ABCC4: variants seen among roughly 807,000 people sequenced by gnomAD.
ABCC4 encodes ATP-binding cassette sub-family C member 4.
Under a neutral mutation model 168.5 loss-of-function variants are expected in ABCC4, and 102 were observed. The ratio of observed to expected loss-of-function variants is 0.61; its 90% confidence interval spans 0.52 to 0.71. The LOEUF is 0.71. Among genes scored for constraint, ABCC4 ranks in the 30% least tolerant of loss-of-function variants. The pLI is 0.00. For synonymous variants in ABCC4, 617 were observed against 590.7 expected (o/e 1.04, Z -0.65); for missense variants, 1,402 against 1,605.8 (o/e 0.87, Z 2.17).
At chr13:95,225,151 TCTCACACACACACA>T (rs1242028773) in intron 4 of ABCC4, among the ~76,000 whole-genome samples, 8 of 30,598 alleles carry the variant, frequency 2.6e-4, no homozygotes, top group South Asian at 1.3e-3. Flanking sequence ...TCTCTCTCTC[TCTCACACACACACA>T]CACACACACA....
At chr13:95,165,025 C>A (rs192145439) in intron 15 of ABCC4, among the ~76,000 whole-genome samples, 3 of 152,228 alleles carry the variant, frequency 2.0e-5, no homozygotes, top group Non-Finnish European at 4.4e-5. Flanking sequence ...ACCCAGCCAT[C>A]CCACTTTCAA....
intron 8 of ABCC4, among the ~76,000 whole-genome samples, chr13:95,205,935 G>A (rs1467352019): frequency 6.6e-6 from 1 of 152,080 alleles, no homozygotes; most frequent in Non-Finnish European, 1.5e-5. Flanking sequence ...TCAACCAATT[G>A]GAAATAAAGA....
rs1358554881 is a variant in ABCC4, at chr13:95,054,876, C to T, written c.3367-1692G>A. On this transcript the variant is annotated intron_variant, in intron 26 of 30. Transcript: ENST00000645237. ...AAATGATATCCAGGGAGGCTCTCAT[C>T]CCTTTCCCTATCGTCTCCGTTTTAA... 1.4e-4 allele frequency among the ~76,000 whole-genome samples: 22 copies of T among 152,316 alleles called. No individual in the cohort carries two copies. The East Asian group carries it at 4.2e-3, about 29-fold the overall frequency.
Position 95,210,315 on chromosome 13 carries a change from C to T in ABCC4, c.621+377G>A, listed in dbSNP as rs183460107. On this transcript the variant is annotated intron_variant, in intron 5 of 30. Coordinates refer to ENST00000645237, the MANE Select transcript of ABCC4 (RefSeq NM_005845.5). ...GCAACAAGGCGTGATCCCTTCTCTA[C>T]AAATAATAAAAAAAGAAATTAGCCA... Among the ~76,000 whole-genome samples, 22 of 152,292 alleles carry T rather than the reference C, an allele frequency of 1.4e-4. No individual in the cohort carries two copies. The East Asian group carries it at 4.2e-3, about 29-fold the overall frequency.
At chr13:95,298,785 T>G (rs73551420) in intron 1 of ABCC4, among the ~76,000 whole-genome samples, 2,530 of 152,200 alleles carry the variant, frequency 0.017, 68 homozygotes, top group African/African-American at 0.057. Context: ...TGACACTTGA[T>G]TGTTGTGTGA....
chr13:95,029,167 CATATATATAT>C (rs67576340), intron 30 of ABCC4, among the ~76,000 whole-genome samples: 9,249 of 82,408 alleles, frequency 0.11, 945 homozygotes, highest in Middle Eastern at 0.16. Flanking sequence ...AAAAAAAATA[CATATATATAT>C]ATATATATAT....
chr13:95,176,632 GTCTC>G (rs1245851393), intron 13 of ABCC4, among the ~76,000 whole-genome samples: 1 of 152,244 alleles, frequency 6.6e-6, no homozygotes, highest in Non-Finnish European at 1.5e-5. Flanking sequence ...ATCTGAACTT[GTCTC>G]TCTCTCACTC....
chr13:95,232,802 C>A (rs1449232779), intron 4 of ABCC4, among the ~76,000 whole-genome samples: 1 of 152,174 alleles, frequency 6.6e-6, no homozygotes, highest in Non-Finnish European at 1.5e-5. Context: ...CTCAGCAAAG[C>A]AACCAGAAAT....
Position 95,133,108 on chromosome 13 carries a change from C to CTTTTT in ABCC4, c.2456-17112_2456-17108dup, listed in dbSNP as rs761691210. Among the ~76,000 whole-genome samples, 160 of 110,658 alleles carry CTTTTT rather than the reference C, an allele frequency of 1.4e-3. 1 individual carries two copies. The highest frequency in any genetic ancestry group is 3.5e-3 in the African/African-American group (94 of 26,612). The allele number at this position is 110,658 out of a possible 152,430, so 72.6% of individuals were successfully genotyped here. A position where few individuals can be genotyped will look rare whatever the true frequency, so the allele number is the denominator to read the frequency against. ...GGTGCATTTTACTATGATTTTAAAA[C>CTTTTT]TTTTTTTTTTTTTTTTTTTTTTGGA... On this transcript the variant is annotated intron_variant, in intron 19 of 30. Coordinates refer to ENST00000645237, the MANE Select transcript of ABCC4 (RefSeq NM_005845.5).
At chr13:95,140,638 A>G (rs1594168353) in intron 19 of ABCC4, among the ~76,000 whole-genome samples, 1 of 152,242 alleles carries the variant, frequency 6.6e-6, no homozygotes, top group Non-Finnish European at 1.5e-5. Flanking sequence ...AAAAGAAAAC[A>G]TCAGAAATTC....
chr13:95,161,374 C>A (rs766115140), intron 18 of ABCC4, 39 bp from the exon 19 acceptor site: 2 of 1,468,864 alleles, frequency 1.4e-6, no homozygotes, highest in Admixed American at 2.5e-5. Flanking sequence ...CACAGCATAT[C>A]TCTGCATTTT....
chr13:95,096,750 C>T (rs1477522725), intron 20 of ABCC4, among the ~76,000 whole-genome samples: 2 of 152,102 alleles, frequency 1.3e-5, no homozygotes, highest in Non-Finnish European at 1.5e-5. Context: ...TAAAGACATG[C>T]TCAGATGGGC....
intron 18 of ABCC4, 121 bp downstream of exon 18, chr13:95,163,001 G>C (rs9590191): frequency 2.9e-6 from 2 of 695,968 alleles, no homozygotes. Context: ...GAGTAAATTC[G>C]ACTGAGACTC....
intron 1 of ABCC4, among the ~76,000 whole-genome samples, chr13:95,272,757 G>A (rs533490923): frequency 3.4e-5 from 5 of 149,058 alleles, no homozygotes; most frequent in East Asian, 2.0e-4. Flanking sequence ...GTGTGGTGGT[G>A]CATGCCTGTA....
In ABCC4 at chr13:95,259,375, C is replaced by T. The variant is rs1297793328; in HGVS notation, c.75-11622G>A. 7.2e-4 allele frequency among the ~76,000 whole-genome samples: 95 copies of T among 132,666 alleles called. 1 individual carries two copies. Among genetic ancestry groups the T allele is most frequent in the African/African-American group, 2.7e-3 (82 of 30,340 alleles). The allele number at this position is 132,666 out of a possible 152,430, so 87.0% of individuals were successfully genotyped here. ...AGCCTGGGCAACAAGAGTGAAACTC[C>T]GTCTCAAAAAAAAAAAAAAGGAAGA... On this transcript the variant is annotated intron_variant, in intron 1 of 30. Coordinates refer to ENST00000645237, the MANE Select transcript of ABCC4 (RefSeq NM_005845.5).
intron 4 of ABCC4, among the ~76,000 whole-genome samples, chr13:95,217,352 G>C (rs1174366895): frequency 6.6e-6 from 1 of 152,202 alleles, no homozygotes; most frequent in African/African-American, 2.4e-5. Context: ...AGACTGGTGA[G>C]ATGAATATCC....
chr13:95,214,988 T>C (rs539470984), intron 4 of ABCC4, among the ~76,000 whole-genome samples: 2 of 151,786 alleles, frequency 1.3e-5, no homozygotes, highest in South Asian at 2.1e-4. Flanking sequence ...AGAAAAAGGC[T>C]GAGAGACTTT....
intron 3 of ABCC4, among the ~76,000 whole-genome samples, chr13:95,239,383 A>G (rs192414851): frequency 3.3e-4 from 50 of 152,340 alleles, no homozygotes; most frequent in Non-Finnish European, 6.3e-4. Flanking sequence ...AAATACCCAC[A>G]TAAATTCATG....
chr13:95,049,958 T>C (rs1394331053), intron 27 of ABCC4, among the ~76,000 whole-genome samples: 2 of 152,204 alleles, frequency 1.3e-5, no homozygotes, highest in East Asian at 1.9e-4. Context: ...CAAGTGACTA[T>C]GTTTTTTGTC....
Sources: allele counts gnomAD v4.1 joint callset (sites outside exome capture counted in the v4.1 genomes callset), GRCh38; gene constraint gnomAD v4.1.1; transcripts MANE v1.5; gene names NCBI Gene and HGNC (gene_info 2026-07-23, HGNC 2026-07-21).